Variants in CCDC83 observed in about 807,000 individuals in gnomAD.
CCDC83 encodes coiled-coil domain-containing protein 83.
Under a neutral mutation model 50.1 loss-of-function variants are expected in CCDC83, and 54 were observed. That is an observed-to-expected ratio of 1.08 (90% CI 0.87 to 1.35). The LOEUF (loss-of-function observed/expected upper bound fraction) is 1.35. Ranked by LOEUF, CCDC83 falls within the 40% of genes most tolerant of loss-of-function variation. The probability of loss-of-function intolerance (pLI) is 0.00; values close to 1 mark genes in which losing one functional copy is unlikely to be tolerated. For synonymous variants in CCDC83, 161 were observed against 153.3 expected (o/e 1.05, Z -0.37); for missense variants, 518 against 473.9 (o/e 1.09, Z -0.86).
intron 1 of CCDC83, among the ~76,000 whole-genome samples, chr11:85,864,252 T>C (rs1202713694): frequency 6.6e-6 from 1 of 152,246 alleles, no homozygotes; most frequent in African/African-American, 2.4e-5. Flanking sequence ...ACAAAGGTTA[T>C]ATTTTATGCT....
At chr11:85,897,563 A>C (rs891993223) in intron 6 of CCDC83, among the ~76,000 whole-genome samples, 1 of 152,146 alleles carries the variant, frequency 6.6e-6, no homozygotes, top group African/African-American at 2.4e-5. Context: ...GAAGGCTGAT[A>C]TATTGCCCTG....
chr11:85,864,844 A>G (rs1323053368), intron 1 of CCDC83, among the ~76,000 whole-genome samples: 1 of 152,224 alleles, frequency 6.6e-6, no homozygotes, highest in Non-Finnish European at 1.5e-5. Context: ...TGAATAACAT[A>G]AGAGAGGGAG....
At position 85,919,447 on chromosome 11, in the gene CCDC83, C is replaced by A. The variant is rs938271201; in HGVS notation, c.1179C>A (p.Leu393=). The A allele has an allele frequency of 6.2e-7, 1 of 1,612,860 alleles. No homozygotes were observed. The highest frequency in any genetic ancestry group is 8.5e-7 in the Non-Finnish European group (1 of 1,179,022). The change falls in exon 11 of 11, where the codon CTC becomes CTA. Residue 393 remains leucine (L), a synonymous_variant. Transcript: ENST00000342404. ...AAGAGAAGGAAATTCCAGTCAAACT[C>A]TATAAAGATGTCAGGAGCCCAGAAA... ...HFQEKEIPVK[L]YKDVRSPESH...
At chr11:85,891,220 C>A (rs959891376) in intron 5 of CCDC83, among the ~76,000 whole-genome samples, 2 of 152,208 alleles carry the variant, frequency 1.3e-5, no homozygotes, top group African/African-American at 4.8e-5. Flanking sequence ...CCATCATGCA[C>A]CTTATCAAAC....
At chr11:85,918,451 G>T (rs2093492793) in intron 10 of CCDC83, among the ~76,000 whole-genome samples, 1 of 152,220 alleles carries the variant, frequency 6.6e-6, no homozygotes, top group African/African-American at 2.4e-5. Flanking sequence ...AAAAGCAAGA[G>T]TTATGGCATG....
intron 6 of CCDC83, among the ~76,000 whole-genome samples, chr11:85,896,417 A>C (rs1334171671): frequency 3.3e-5 from 5 of 151,166 alleles, no homozygotes; most frequent in African/African-American, 1.2e-4. Flanking sequence ...AAAAAAAAAA[A>C]AAAAAAAAAA....
chr11:85,871,474 G>A (rs2093237089), intron 2 of CCDC83, among the ~76,000 whole-genome samples: 1 of 151,806 alleles, frequency 6.6e-6, no homozygotes, highest in Non-Finnish European at 1.5e-5. Flanking sequence ...CTCATTATTG[G>A]GAAAGAAAGA....
At chr11:85,870,766 T>G (rs955871442) in intron 2 of CCDC83, among the ~76,000 whole-genome samples, 6 of 152,242 alleles carry the variant, frequency 3.9e-5, no homozygotes, top group Non-Finnish European at 8.8e-5. Flanking sequence ...CCCATGGTAT[T>G]TATCATAATG....
At chr11:85,884,115 G>A (rs1352723137) in intron 4 of CCDC83, among the ~76,000 whole-genome samples, 3 of 152,256 alleles carry the variant, frequency 2.0e-5, no homozygotes, top group Non-Finnish European at 4.4e-5. Context: ...GTTGAGATGC[G>A]CCTGTTGATG....
rs1274674844 is a variant in CCDC83, at chr11:85,896,803, A to G, written c.603+1419A>G. Among the ~76,000 whole-genome samples, 7 of 150,680 alleles carry G rather than the reference A, an allele frequency of 4.6e-5. No individual in the cohort carries two copies. In the South Asian group the frequency reaches 1.5e-3, roughly 32 times the overall value. On this transcript the variant is annotated intron_variant, in intron 6 of 10. Transcript: ENST00000342404. ...AACAATCTTGACCTCTCTTCAAACT[A>G]TCTGCAAAATCAGTGAGGTCCCCAC...
intron 7 of CCDC83, among the ~76,000 whole-genome samples, chr11:85,903,458 T>C (rs1377259049): frequency 6.7e-6 from 1 of 150,180 alleles, no homozygotes; most frequent in African/African-American, 2.5e-5. Flanking sequence ...CCACGTTCCA[T>C]CTAATTTTTT....
intron 1 of CCDC83, among the ~76,000 whole-genome samples, chr11:85,858,176 A>C (rs1280579672): frequency 6.6e-6 from 1 of 152,134 alleles, no homozygotes; most frequent in Non-Finnish European, 1.5e-5. Context: ...TCACCAACCA[A>C]GTGATGGCGC....
At chr11:85,917,800 C>T (rs1191250419) in intron 10 of CCDC83, 4 of 152,134 alleles carry the variant, frequency 2.6e-5, no homozygotes, top group South Asian at 4.1e-4. Flanking sequence ...CATCTCCATG[C>T]GTATCTTGGA....
At chr11:85,877,934 T>A (rs144142133) in intron 3 of CCDC83, among the ~76,000 whole-genome samples, 1,721 of 152,326 alleles carry the variant, frequency 0.011, 14 homozygotes, top group Middle Eastern at 0.031. Context: ...TTCAAGTTTC[T>A]ATAAATATTT....
intron 10 of CCDC83, among the ~76,000 whole-genome samples, chr11:85,917,323 T>G (rs1293691640): frequency 6.6e-6 from 1 of 152,094 alleles, no homozygotes; most frequent in African/African-American, 2.4e-5. Flanking sequence ...CAGTTTTATA[T>G]GGCTTAGCCT....
rs36093844 is a variant in CCDC83, at chr11:85,865,084, C to T, written c.-28-12C>T. The T allele has an allele frequency of 0.24, 332,552 of 1,359,860 alleles. 42,575 individuals are homozygous for T. Among genetic ancestry groups the T allele is most frequent in the African/African-American group, 0.27 (18,521 of 69,266 alleles). 84.2% of individuals were successfully genotyped at this position (1,359,860 alleles called of 1,614,324 possible). ...GGAATTTTTCACTTTCGTATGTCTC[C>T]TTTCTAAACAGGTATATTTCTTCAT... On this transcript the variant is annotated splice_polypyrimidine_tract_variant and intron_variant, in intron 1 of 10. Transcript: ENST00000342404.
chr11:85,872,375 C>A (rs915595356), intron 2 of CCDC83, among the ~76,000 whole-genome samples: 2 of 152,076 alleles, frequency 1.3e-5, no homozygotes, highest in Admixed American at 1.3e-4. Flanking sequence ...ATCCCAGTTA[C>A]TCGGGAGGCT....
intron 2 of CCDC83, among the ~76,000 whole-genome samples, chr11:85,870,224 G>A (rs78356210): frequency 0.14 from 21,390 of 152,160 alleles, 1,821 homozygotes; most frequent in Middle Eastern, 0.2. Flanking sequence ...GGCTGCACAT[G>A]GTCTCCAGCC....
intron 10 of CCDC83, chr11:85,916,772 T>C (rs1483555838): frequency 6.5e-6 from 1 of 153,834 alleles, no homozygotes; most frequent in East Asian, 1.9e-4. Context: ...TTTCTTTTGT[T>C]ATAGTGTCTG....
Sources: gnomAD v4.1 joint callset for allele counts (sites outside exome capture counted in the v4.1 genomes callset) on GRCh38, gnomAD v4.1.1 for gene constraint, MANE v1.5 for transcripts, NCBI Gene and HGNC (gene_info 2026-07-23, HGNC 2026-07-21) for gene names.